Variants in CDS1 observed in about 807,000 individuals in gnomAD.
The protein encoded by CDS1 is CDP-diacylglycerol synthase 1.
CDS1 carries 41 observed loss-of-function variants against 62.1 expected under a neutral mutation model. The observed-to-expected ratio is 0.66, with a 90% CI of 0.51 to 0.86. The LOEUF (loss-of-function observed/expected upper bound fraction) is 0.86, where lower values mean the gene tolerates loss of function less well. CDS1 is among the 40% of genes least tolerant of loss of function. The pLI, the probability that CDS1 is intolerant of heterozygous loss-of-function variation, is 0.00. For missense variants in CDS1, 470 were observed against 550.1 expected (o/e 0.85, Z 1.46); for synonymous variants, 185 against 192.6 (o/e 0.96, Z 0.32).
intron 1 of CDS1, among the ~76,000 whole-genome samples, chr4:84,589,540 T>C (rs965789202): frequency 1.3e-5 from 2 of 152,252 alleles, no homozygotes; most frequent in African/African-American, 4.8e-5. Flanking sequence ...TACTCCCTAA[T>C]TGTTGATAAA....
intron 1 of CDS1, among the ~76,000 whole-genome samples, chr4:84,593,330 T>C (rs1314401999): frequency 6.6e-6 from 1 of 152,148 alleles, no homozygotes; most frequent in Non-Finnish European, 1.5e-5. Context: ...CTCAGAGGTA[T>C]TCCTTCTTTG....
At chr4:84,589,880 G>A (rs529949625) in intron 1 of CDS1, among the ~76,000 whole-genome samples, 9 of 152,182 alleles carry the variant, frequency 5.9e-5, no homozygotes, top group Middle Eastern at 3.4e-3. Context: ...GCGCGACCTC[G>A]GCTCACTGCA....
chr4:84,583,484 G>A lies in CDS1; in HGVS notation c.83G>A (p.Gly28Asp). 6.4e-7 allele frequency: 1 copy of A among 1,556,366 alleles called. No individual in the cohort carries two copies. ...SPPHREGEAA[G>D]GDHETESTSD... is the part of the protein sequence containing the mutation. Reference sequence around the variant, plus strand: ...CCACACCGCGAGGGAGAGGCGGCCGGCGGCGACCACGAAACCGAGAGCACC... The same window carrying A: ...CCACACCGCGAGGGAGAGGCGGCCGACGGCGACCACGAAACCGAGAGCACC... The change falls in exon 1 of 13, where the codon GGC (glycine) becomes GAC (aspartate). Residue 28 changes from glycine to aspartate, a missense_variant. This residue lies in a region of CDS1 where 150 missense variants were observed against 142.0 expected (regional missense o/e 1.06). Transcript: ENST00000295887.
At chr4:84,596,921 G>A (rs1452244219) in intron 1 of CDS1, among the ~76,000 whole-genome samples, 1 of 152,222 alleles carries the variant, frequency 6.6e-6, no homozygotes, top group Non-Finnish European at 1.5e-5. Context: ...GGGGAGCGCA[G>A]AAGCTTTAGT....
chr4:84,619,253 A>G (rs2148648163), intron 4 of CDS1, 141 bp from the exon 5 acceptor site: 1 of 449,822 alleles, frequency 2.2e-6, no homozygotes, highest in African/African-American at 2.0e-5. Context: ...GGAAAATAGC[A>G]TTTTGGTAAA....
Position 84,643,072 on chromosome 4 carries a change from A to T in CDS1, c.1081A>T (p.Thr361Ser). Residue 361 changes from threonine to serine, a missense_variant, in exon 11 of 13, where the codon ACC becomes TCC. Coordinates refer to ENST00000295887, the MANE Select transcript of CDS1 (RefSeq NM_001263.4). The part of the protein sequence containing the change: ...PFQIHSIALS[T>S]FASLIGPFGG... Reference sequence around the variant, plus strand: ...CCAGATCCACAGCATTGCACTGTCAACCTTTGCATCTTTAATTGGCCCATT... The same window carrying T: ...CCAGATCCACAGCATTGCACTGTCATCCTTTGCATCTTTAATTGGCCCATT... 1 of 1,613,154 alleles carries T rather than the reference A, an allele frequency of 6.2e-7. No individual in the cohort carries two copies. The highest frequency in any genetic ancestry group is 8.5e-7 in the Non-Finnish European group (1 of 1,179,428).
chr4:84,603,255 A>C (rs945056131), intron 1 of CDS1, among the ~76,000 whole-genome samples: 1 of 152,168 alleles, frequency 6.6e-6, no homozygotes. Flanking sequence ...GGATTATTTC[A>C]GGCTTGATAT....
chr4:84,588,940 G>A (rs1487415318), intron 1 of CDS1, among the ~76,000 whole-genome samples: 2 of 152,166 alleles, frequency 1.3e-5, no homozygotes, highest in Admixed American at 6.5e-5. Context: ...TTAGTTTAGG[G>A]AAGAGCTGTT....
intron 1 of CDS1, among the ~76,000 whole-genome samples, chr4:84,592,877 T>C (rs1487805129): frequency 6.6e-6 from 1 of 152,130 alleles, no homozygotes; most frequent in Admixed American, 6.5e-5. Context: ...GTGACCCAGG[T>C]GGGATCAGAC....
rs1388093509 is a variant in CDS1 at position 84,621,473 on chromosome 4, A to G, written c.580+1940A>G. Among the ~76,000 whole-genome samples, 3 of 152,228 alleles carry G rather than the reference A, an allele frequency of 2.0e-5. No homozygotes were observed. In the East Asian group the frequency reaches 5.8e-4, roughly 29 times the overall value. Reference sequence around the variant, plus strand: ...CTAAAAAGCCAGAAAGTGAAATACAATCTGAAATGGTAATGGGAATTTTCA... The same window carrying G: ...CTAAAAAGCCAGAAAGTGAAATACAGTCTGAAATGGTAATGGGAATTTTCA... On this transcript the variant is annotated intron_variant, in intron 5 of 12. Coordinates refer to ENST00000295887, the MANE Select transcript of CDS1 (RefSeq NM_001263.4).
intron 10 of CDS1, among the ~76,000 whole-genome samples, chr4:84,642,061 C>CTTAT (rs1293443037): frequency 6.6e-6 from 1 of 152,198 alleles, no homozygotes; most frequent in African/African-American, 2.4e-5. Flanking sequence ...GGCACATTGG[C>CTTAT]TTATGCCTGT....
intron 6 of CDS1, 48 bp from the exon 7 acceptor site, chr4:84,633,809 A>G (rs1187871769): frequency 7.3e-6 from 9 of 1,229,408 alleles, no homozygotes; most frequent in African/African-American, 3.1e-5. Flanking sequence ...CTTCAGCTGC[A>G]CTGATCAGTT....
intron 5 of CDS1, among the ~76,000 whole-genome samples, chr4:84,628,518 C>T (rs1458505295): frequency 6.6e-6 from 1 of 151,894 alleles, no homozygotes; most frequent in Non-Finnish European, 1.5e-5. Context: ...AATCTTCATC[C>T]TCTTCTTCTT....
intron 1 of CDS1, among the ~76,000 whole-genome samples, chr4:84,589,935 G>A (rs149597681): frequency 0.026 from 3,985 of 152,052 alleles, 178 homozygotes; most frequent in African/African-American, 0.091. Context: ...CTCAGCCTCC[G>A]ACGTAGCTGG....
At chr4:84,595,131 A>G (rs1309382585) in intron 1 of CDS1, among the ~76,000 whole-genome samples, 1 of 152,132 alleles carries the variant, frequency 6.6e-6, no homozygotes, top group African/African-American at 2.4e-5. Context: ...AAAGAGGGAG[A>G]GTCCAGTAGC....
chr4:84,590,096 C>A (rs946455017), intron 1 of CDS1, among the ~76,000 whole-genome samples: 1 of 152,166 alleles, frequency 6.6e-6, no homozygotes, highest in Non-Finnish European at 1.5e-5. Flanking sequence ...CAGGCATGAG[C>A]CACCTCACCC....
At chr4:84,647,362 CTTTCT>C in intron 12 of CDS1, among the ~76,000 whole-genome samples, 1 of 151,914 alleles carries the variant, frequency 6.6e-6, no homozygotes, top group Non-Finnish European at 1.5e-5. Flanking sequence ...AACTCATATG[CTTTCT>C]TTAAAAAAAA....
At chr4:84,595,555 T>C (rs937306302) in intron 1 of CDS1, among the ~76,000 whole-genome samples, 1 of 152,322 alleles carries the variant, frequency 6.6e-6, no homozygotes, top group Admixed American at 6.5e-5. Context: ...TGAATATTTT[T>C]CATCTGAGGC....
At chr4:84,616,624 G>T (rs966656787) in intron 3 of CDS1, among the ~76,000 whole-genome samples, 1 of 152,108 alleles carries the variant, frequency 6.6e-6, no homozygotes, top group African/African-American at 2.4e-5. Flanking sequence ...ATAAAAACAA[G>T]CCCTTGGGGT....
Sources: gnomAD v4.1 joint callset for allele counts (sites outside exome capture counted in the v4.1 genomes callset) on GRCh38, gnomAD v4.1.1 for gene constraint, gnomAD v4.1.1 regional missense constraint, MANE v1.5 for transcripts, NCBI Gene and HGNC (gene_info 2026-07-23, HGNC 2026-07-21) for gene names.